NEBL: variants seen among roughly 807,000 people sequenced by gnomAD.
The protein encoded by NEBL is nebulette.
Under a neutral mutation model 140.2 loss-of-function variants are expected in NEBL, and 122 were observed. The ratio of observed to expected loss-of-function variants is 0.87; its 90% CI spans 0.75 to 1.01. NEBL has a LOEUF of 1.01. Among genes scored for constraint, NEBL ranks in the 50% least tolerant of loss-of-function variants. The pLI is 0.00. For missense variants in NEBL, 1,365 were observed against 1,231.3 expected (o/e 1.11, Z -1.62); for synonymous variants, 436 against 398.9 (o/e 1.09, Z -1.11).
At chr10:21,010,918 T>C (rs1394783657) in intron 3 of NEBL, among the ~76,000 whole-genome samples, 1 of 152,240 alleles carries the variant, frequency 6.6e-6, no homozygotes, top group African/African-American at 2.4e-5. Flanking sequence ...CTCAAATCTA[T>C]GTGACCTCCC....
chr10:21,283,775 G>T (rs909525651), intron 1 of NEBL, among the ~76,000 whole-genome samples: 8 of 152,074 alleles, frequency 5.3e-5, no homozygotes, highest in African/African-American at 1.9e-4. Context: ...TGGGTTTTCA[G>T]AGCTTCTTAG....
intron 2 of NEBL, among the ~76,000 whole-genome samples, chr10:21,075,665 G>C (rs555858432): frequency 5.3e-5 from 8 of 152,286 alleles, no homozygotes; most frequent in Admixed American, 2.6e-4. Context: ...TCAACTCTTA[G>C]CTTCAACAAT....
At chr10:20,840,450 C>T (rs1389402677) in intron 13 of NEBL, among the ~76,000 whole-genome samples, 1 of 152,030 alleles carries the variant, frequency 6.6e-6, no homozygotes, top group Non-Finnish European at 1.5e-5. Flanking sequence ...ACATACCTTC[C>T]CAATCATCTG....
intron 2 of NEBL, chr10:21,030,872 G>A (rs1224310022): frequency 6.7e-6 from 2 of 296,330 alleles, no homozygotes; most frequent in East Asian, 1.9e-4. Flanking sequence ...CTTAACACCT[G>A]TACATCATGG....
chr10:20,823,371 A>G, intron 18 of NEBL, 71 bp from the exon 19 acceptor site: 1 of 1,079,042 alleles, frequency 9.3e-7, no homozygotes, highest in Non-Finnish European at 1.4e-6. Flanking sequence ...GAATTCTTCA[A>G]TTGTAACTAT....
chr10:21,141,451 T>C (rs1048877570), intron 2 of NEBL, among the ~76,000 whole-genome samples: 1 of 152,180 alleles, frequency 6.6e-6, no homozygotes, highest in African/African-American at 2.4e-5. Context: ...ATATGACCAT[T>C]TGGAGAATTT....
At chr10:21,237,795 C>A (rs1186484935) in intron 3 of NEBL, among the ~76,000 whole-genome samples, 1 of 151,976 alleles carries the variant, frequency 6.6e-6, no homozygotes, top group Non-Finnish European at 1.5e-5. Context: ...TTAATAGAGA[C>A]TGGGTTTCAC....
intron 7 of NEBL, among the ~76,000 whole-genome samples, chr10:20,860,745 C>T (rs950611043): frequency 3.9e-5 from 6 of 152,058 alleles, no homozygotes; most frequent in South Asian, 2.1e-4. Context: ...TCTGATAATG[C>T]ACCTTTATTC....
chr10:20,808,616 G>C lies in NEBL; in HGVS notation c.2655C>G (p.Ser885=). 1.2e-6 allele frequency: 2 copies of C among 1,613,362 alleles called. No homozygotes were observed. The highest frequency in any genetic ancestry group is 8.5e-7 in the Non-Finnish European group (1 of 1,179,408). The stretch of plus-strand genomic sequence containing the variant: ...CGAGACCTGTACCGAAAGTACTGCT[G>C]GAATGGGATCGAGACCAGTGTCGCC... The part of the protein sequence containing the change: ...HYRRHWSRSH[S]SSTFGTGLGD... Residue 885 remains serine (S), a synonymous_variant, in exon 26 of 28, where the codon TCC becomes TCG. Transcript: ENST00000377122.
rs1841174279 is a variant in NEBL, at chr10:21,173,473, C to T, written c.69+292G>A. Among the ~76,000 whole-genome samples the T allele has an allele frequency of 6.7e-6, 1 of 149,606 alleles. No homozygotes were observed. The highest frequency in any genetic ancestry group is 2.5e-5 in the African/African-American group (1 of 40,724). ...TGCCCCCCTGGGTGCCCAGCCTGGT[C>T]CCTCCGGGGTCCGGGGCTGCGCACC... On this transcript the variant is annotated intron_variant, in intron 1 of 6. Transcript: ENST00000417816. This position sits in a 1 kb window ranked among gnomAD's most constrained non-coding sequence, Gnocchi z 5.7.
At chr10:21,100,644 T>C (rs1419388867) in intron 2 of NEBL, among the ~76,000 whole-genome samples, 1 of 152,186 alleles carries the variant, frequency 6.6e-6, no homozygotes, top group Non-Finnish European at 1.5e-5. Context: ...TTTCTAATTT[T>C]CTCCAAAAGA....
At chr10:21,094,240 C>A (rs533173015) in intron 2 of NEBL, among the ~76,000 whole-genome samples, 2 of 152,206 alleles carry the variant, frequency 1.3e-5, no homozygotes, top group African/African-American at 4.8e-5. Context: ...CGGTGGCTCA[C>A]GCCTGTAATC....
chr10:20,936,816 CT>C (rs1238009253), intron 4 of NEBL, among the ~76,000 whole-genome samples: 1 of 152,176 alleles, frequency 6.6e-6, no homozygotes, highest in Non-Finnish European at 1.5e-5. Flanking sequence ...GTTCAACAGG[CT>C]TGAACATCTC....
chr10:21,062,261 G>T (rs1835337433), intron 2 of NEBL, among the ~76,000 whole-genome samples: 3 of 152,152 alleles, frequency 2.0e-5, no homozygotes, highest in Admixed American at 2.0e-4. Context: ...CACAGCGTGA[G>T]AGACTGCAGA....
chr10:21,186,697 C>T (rs967410505), intron 3 of NEBL, among the ~76,000 whole-genome samples: 1 of 149,622 alleles, frequency 6.7e-6, no homozygotes, highest in Non-Finnish European at 1.5e-5. Context: ...CTATCGTTAG[C>T]GTTAGTGTAT....
intron 3 of NEBL, among the ~76,000 whole-genome samples, chr10:21,207,461 T>C (rs1325172652): frequency 6.6e-6 from 1 of 152,142 alleles, no homozygotes; most frequent in African/African-American, 2.4e-5. Flanking sequence ...GGCATCATTG[T>C]CCCCTTTCCA....
At chr10:20,831,022 G>C (rs901017188) in intron 16 of NEBL, 174 bp downstream of exon 16, 1 of 609,768 alleles carries the variant, frequency 1.6e-6, no homozygotes, top group Non-Finnish European at 3.0e-6. Flanking sequence ...ATCTATGACT[G>C]TTGTCCTATT....
chr10:20,912,357 T>C (rs998197661), intron 4 of NEBL, among the ~76,000 whole-genome samples: 4 of 152,106 alleles, frequency 2.6e-5, no homozygotes, highest in Admixed American at 1.3e-4. Context: ...GAGGCCGAAG[T>C]GGGAGGATCA....
At chr10:20,829,746 G>A (rs932833901) in intron 16 of NEBL, among the ~76,000 whole-genome samples, 3 of 152,094 alleles carry the variant, frequency 2.0e-5, no homozygotes, top group Non-Finnish European at 4.4e-5. Flanking sequence ...CTATGCTGTT[G>A]AGTTAATGCA....
Sources: gnomAD v4.1 joint callset for allele counts (sites outside exome capture counted in the v4.1 genomes callset) on GRCh38, gnomAD v4.1.1 for gene constraint, Gnocchi (gnomAD v3.1) non-coding constraint, MANE v1.5 for transcripts, NCBI Gene and HGNC (gene_info 2026-07-23, HGNC 2026-07-21) for gene names.